OR51B5: variants seen among roughly 807,000 people sequenced by gnomAD.
OR51B5 encodes the protein olfactory receptor family 51 subfamily B member 5.
For missense variants in OR51B5, 456 were observed against 374.6 expected (o/e 1.22, Z -1.79); for synonymous variants, 186 against 144.8 (o/e 1.28, Z -2.04).
chr11:5,501,143 A>G (rs1215942639), intron 1 of OR51B5, among the ~76,000 whole-genome samples: 1 of 147,818 alleles, frequency 6.8e-6, no homozygotes, highest in East Asian at 2.0e-4. Context: ...GTTAGCTACT[A>G]TGGGGCACCA....
At chr11:5,469,505 T>C (rs1293877850) in intron 1 of OR51B5, 1 of 152,110 alleles carries the variant, frequency 6.6e-6, no homozygotes, top group East Asian at 1.9e-4. Context: ...CTAGGAGTGG[T>C]TGATATCTAA....
intron 1 of OR51B5, among the ~76,000 whole-genome samples, chr11:5,350,107 CAATAACA>C (rs1165114097): frequency 6.6e-6 from 1 of 152,026 alleles, no homozygotes; most frequent in East Asian, 1.9e-4. Flanking sequence ...TTCTCTGAAA[CAATAACA>C]AAAACACAAA....
At chr11:5,380,514 G>C (rs139246800) in intron 1 of OR51B5, among the ~76,000 whole-genome samples, 1 of 152,272 alleles carries the variant, frequency 6.6e-6, no homozygotes, top group East Asian at 1.9e-4. Flanking sequence ...CACCTAAAAA[G>C]AGTCTGTTGT....
chr11:5,403,507 C>T (rs758893915), intron 1 of OR51B5: 5 of 471,740 alleles, frequency 1.1e-5, no homozygotes, highest in Non-Finnish European at 2.2e-5. Context: ...ATCCATGGTG[C>T]CATTGTCCGA....
intron 1 of OR51B5, chr11:5,403,196 T>C (rs1485332875): frequency 6.4e-6 from 3 of 471,246 alleles, no homozygotes; most frequent in Admixed American, 4.7e-5. Flanking sequence ...ACAATATCTA[T>C]GGGATTTTCA....
intron 1 of OR51B5, among the ~76,000 whole-genome samples, chr11:5,408,068 C>T (rs1391162673): frequency 2.7e-5 from 4 of 150,584 alleles, no homozygotes; most frequent in African/African-American, 4.9e-5. Flanking sequence ...TTTCACTGAC[C>T]GTCCCTGAAG....
At chr11:5,492,865 C>A (rs1564832341) in intron 1 of OR51B5, among the ~76,000 whole-genome samples, 1 of 152,140 alleles carries the variant, frequency 6.6e-6, no homozygotes, top group Non-Finnish European at 1.5e-5. Context: ...GAACTCCTGA[C>A]CTCAAGTGAT....
rs147650510 is a variant in OR51B5, at chr11:5,402,070, C to T, written n.85-55160G>A. On this transcript the variant is annotated intron_variant and non_coding_transcript_variant, in intron 1 of 4. Transcript: ENST00000415970. Reference sequence around the variant, plus strand: ...GCTGTTACCCAGGCATAAGTGTAGGCGTGCAATCCTGGCTCACTGCAACCT... The same window carrying T: ...GCTGTTACCCAGGCATAAGTGTAGGTGTGCAATCCTGGCTCACTGCAACCT... Among the ~76,000 whole-genome samples the T allele has an allele frequency of 6.6e-3, 995 of 151,770 alleles. 9 individuals are homozygous for T. Among genetic ancestry groups the T allele is most frequent in the African/African-American group, 0.023 (951 of 41,332 alleles).
chr11:5,425,916 A>T (rs1245437520), intron 1 of OR51B5, among the ~76,000 whole-genome samples: 1 of 152,222 alleles, frequency 6.6e-6, no homozygotes, highest in Non-Finnish European at 1.5e-5. Flanking sequence ...TCATTTTGCA[A>T]TAATTAGCGT....
intron 1 of OR51B5, among the ~76,000 whole-genome samples, chr11:5,434,853 T>C (rs952667): frequency 0.061 from 9,312 of 152,206 alleles, 328 homozygotes; most frequent in South Asian, 0.095. Flanking sequence ...CTTCCAATTA[T>C]AAGTCCCATG....
intron 1 of OR51B5, among the ~76,000 whole-genome samples, chr11:5,487,267 T>A (rs972808235): frequency 6.6e-6 from 1 of 152,166 alleles, no homozygotes; most frequent in African/African-American, 2.4e-5. Flanking sequence ...AATATAAATA[T>A]CTTATTTTTT....
chr11:5,450,754 G>A (rs532241755), intron 1 of OR51B5, among the ~76,000 whole-genome samples: 4 of 152,018 alleles, frequency 2.6e-5, no homozygotes, highest in Admixed American at 1.3e-4. Context: ...ATGATACTTC[G>A]AAGACCTTGG....
At chr11:5,362,431 G>T (rs1849299423) in intron 1 of OR51B5, among the ~76,000 whole-genome samples, 1 of 152,206 alleles carries the variant, frequency 6.6e-6, no homozygotes, top group Non-Finnish European at 1.5e-5. Flanking sequence ...AACATTAGTT[G>T]TTGAGCCTTA....
Position 5,355,904 on chromosome 11 carries a change from G to A in OR51B5, n.85-8994C>T, listed in dbSNP as rs187354898. ...GTCCTGGAAGTTCTTTTAAAAATCTGCTGCAAGCTGAGGGTCCTGTTAGAA... is the reference window on the plus strand; with the variant it reads ...GTCCTGGAAGTTCTTTTAAAAATCTACTGCAAGCTGAGGGTCCTGTTAGAA... On this transcript the variant is annotated intron_variant and non_coding_transcript_variant, in intron 1 of 4. Transcript: ENST00000415970. Among the ~76,000 whole-genome samples the A allele has an allele frequency of 2.4e-3, 361 of 152,152 alleles. 4 individuals carry two copies. The highest frequency in any genetic ancestry group is 8.4e-3 in the African/African-American group (350 of 41,526).
At chr11:5,475,686 G>A (rs1041382324) in intron 1 of OR51B5, among the ~76,000 whole-genome samples, 5 of 152,078 alleles carry the variant, frequency 3.3e-5, no homozygotes, top group African/African-American at 9.7e-5. Flanking sequence ...ATGTTATTAT[G>A]TAAATTCCAT....
intron 1 of OR51B5, among the ~76,000 whole-genome samples, chr11:5,418,602 A>C (rs1162077913): frequency 6.6e-6 from 1 of 152,004 alleles, no homozygotes; most frequent in Admixed American, 6.6e-5. Flanking sequence ...GCTGGAAACC[A>C]TCATTCTCAG....
intron 1 of OR51B5, chr11:5,468,954 T>C (rs896864887): frequency 4.3e-5 from 15 of 350,730 alleles, no homozygotes; most frequent in East Asian, 2.3e-4. Context: ...GGGAATACCA[T>C]GCAGAAGCTG....
chr11:5,461,787 G>A (rs946167881), intron 1 of OR51B5, among the ~76,000 whole-genome samples: 6 of 152,010 alleles, frequency 3.9e-5, no homozygotes, highest in East Asian at 1.9e-4. Flanking sequence ...TTCTCATCCC[G>A]TCCCTACCAG....
intron 1 of OR51B5, among the ~76,000 whole-genome samples, chr11:5,417,136 T>C (rs1226709357): frequency 6.6e-6 from 1 of 152,096 alleles, no homozygotes; most frequent in East Asian, 1.9e-4. Flanking sequence ...TATCTGCAAC[T>C]ATCTGATCTT....
Sources: gnomAD v4.1 joint callset for allele counts (sites outside exome capture counted in the v4.1 genomes callset) on GRCh38, gnomAD v4.1.1 for gene constraint, MANE v1.5 for transcripts, NCBI Gene and HGNC (gene_info 2026-07-23, HGNC 2026-07-21) for gene names.